WWC2: variants seen among roughly 807,000 people sequenced by gnomAD.
The protein encoded by WWC2 is protein WWC2.
A neutral mutation model predicts 138.5 loss-of-function variants in WWC2; 101 were observed. The observed-to-expected ratio is 0.73, with a 90% confidence interval of 0.62 to 0.86. The LOEUF (loss-of-function observed/expected upper bound fraction) is 0.86, where lower values mean the gene tolerates loss of function less well. Among genes scored for constraint, WWC2 ranks in the 40% least tolerant of loss-of-function variants. The probability of loss-of-function intolerance (pLI) is 0.00; values close to 1 mark genes in which losing one functional copy is unlikely to be tolerated. For synonymous variants in WWC2, 558 were observed against 538.4 expected, an observed-to-expected ratio of 1.04 and a Z score of -0.50; for missense variants, 1,420 against 1,419.4, an observed-to-expected ratio of 1.00 and a Z score of -0.01.
chr4:183,254,150 G>A lies in WWC2; in HGVS notation c.1196+151G>A, dbSNP rs112062673. 1.6e-3 allele frequency among the ~76,000 whole-genome samples: 238 copies of A among 152,254 alleles called. 1 individual carries two copies. The highest frequency in any genetic ancestry group is 5.3e-3 in the African/African-American group (222 of 41,534). ...TGGACTTTCTGTAGAACAATAAAGT[G>A]CACCATCCTAATGCCCGACAGGATA... On this transcript the variant is annotated intron_variant, in intron 9 of 22. Coordinates refer to ENST00000403733, the MANE Select transcript of WWC2 (RefSeq NM_024949.6).
At chr4:183,241,128 C>T (rs997137145) in intron 5 of WWC2, among the ~76,000 whole-genome samples, 5 of 152,258 alleles carry the variant, frequency 3.3e-5, no homozygotes, top group Non-Finnish European at 5.9e-5. Flanking sequence ...CCTCCAAGTG[C>T]GGTGCAGTAT....
chr4:183,200,787 A>G (rs1373798218), intron 2 of WWC2, among the ~76,000 whole-genome samples: 2 of 152,228 alleles, frequency 1.3e-5, no homozygotes, highest in African/African-American at 4.8e-5. Context: ...AAGAAGAATC[A>G]GGGAGAGAGA....
At position 183,136,956 on chromosome 4, in the gene WWC2, G is replaced by A. The variant is rs188495245; in HGVS notation, c.131+37334G>A. ...TAGGTTACAAATCAGTACAGCATGT[G>A]ATTGTACTGAATACTGTAGGCAGTT... On this transcript the variant is annotated intron_variant, in intron 1 of 22. Transcript: ENST00000403733. 2.7e-5 allele frequency among the ~76,000 whole-genome samples: 4 copies of A among 148,834 alleles called. No homozygotes were observed. In the East Asian group the frequency reaches 8.1e-4, roughly 30 times the overall value.
intron 1 of WWC2, 55 bp downstream of exon 1, chr4:183,099,677 G>A (rs1743099119): frequency 8.4e-7 from 1 of 1,191,552 alleles, no homozygotes; most frequent in Non-Finnish European, 1.0e-6. Context: ...CTGTTGTCCC[G>A]GAGACCCGGC....
chr4:183,170,971 A>C (rs1373166981), intron 1 of WWC2, among the ~76,000 whole-genome samples: 1 of 152,190 alleles, frequency 6.6e-6, no homozygotes, highest in East Asian at 1.9e-4. Context: ...AATTTCTTCA[A>C]ATCAATTTGG....
intron 11 of WWC2, among the ~76,000 whole-genome samples, chr4:183,263,037 A>T (rs1008042154): frequency 9.2e-5 from 14 of 152,080 alleles, no homozygotes; most frequent in African/African-American, 3.4e-4. Context: ...AATTATTAGT[A>T]CTCTGTGACA....
At chr4:183,132,720 T>A (rs566499512) in intron 1 of WWC2, among the ~76,000 whole-genome samples, 3 of 152,200 alleles carry the variant, frequency 2.0e-5, no homozygotes, top group South Asian at 2.1e-4. Context: ...CCCAAAGTGC[T>A]GGGATTACAG....
At chr4:183,233,409 C>T (rs890212986) in intron 4 of WWC2, among the ~76,000 whole-genome samples, 109 of 151,658 alleles carry the variant, frequency 7.2e-4, no homozygotes, top group African/African-American at 2.2e-3. Context: ...CACCCACCTC[C>T]GCCTCCCAAA....
chr4:183,210,938 A>G (rs956024257), intron 4 of WWC2, among the ~76,000 whole-genome samples: 3 of 152,206 alleles, frequency 2.0e-5, no homozygotes, highest in African/African-American at 4.8e-5. Context: ...ATCTCAGTGG[A>G]TACTGCCAGT....
intron 1 of WWC2, among the ~76,000 whole-genome samples, chr4:183,157,102 C>T (rs574404128): frequency 6.6e-6 from 1 of 152,226 alleles, no homozygotes; most frequent in South Asian, 2.1e-4. Context: ...CCTTCTTTCC[C>T]CTGGTCCACA....
At chr4:183,128,838 A>T (rs1432616572) in intron 1 of WWC2, among the ~76,000 whole-genome samples, 1 of 152,252 alleles carries the variant, frequency 6.6e-6, no homozygotes, top group East Asian at 1.9e-4. Flanking sequence ...GTCCCAGAAC[A>T]ATCTCATGCA....
At chr4:183,214,782 CAA>C (rs879308410) in intron 4 of WWC2, among the ~76,000 whole-genome samples, 1 of 134,540 alleles carries the variant, frequency 7.4e-6, no homozygotes, top group Non-Finnish European at 1.6e-5. Flanking sequence ...AACTCCGTCT[CAA>C]AAAAAAAAAA....
Position 183,284,283 on chromosome 4 carries a change from A to G in WWC2, c.2941A>G (p.Lys981Glu). The G allele has an allele frequency of 6.2e-7, 1 of 1,614,042 alleles. No homozygotes were observed. Among genetic ancestry groups the G allele is most frequent in the East Asian group, 2.2e-5 (1 of 44,890 alleles). The change falls in exon 19 of 23, where the codon AAA (lysine) becomes GAA (glutamate). Residue 981 changes from lysine (K) to glutamate (E), a missense_variant. Transcript: ENST00000403733. ...TAATGACAATATGGCAGTTCGCCCCAAAGAGCGCAGCAGCCTGAGCTCTAG... is the reference window on the plus strand; with the variant it reads ...TAATGACAATATGGCAGTTCGCCCCGAAGAGCGCAGCAGCCTGAGCTCTAG... ...AANDNMAVRP[K>E]ERSSLSSRQH...
chr4:183,215,349 G>A lies in WWC2; in HGVS notation c.522+6324G>A, dbSNP rs574812306. ...GCAGAAAATGAAACTGTGGATAAGG[G>A]AGGACTATTATAGTTAGTGTTGGGT... On this transcript the variant is annotated intron_variant, in intron 4 of 22. Transcript: ENST00000403733. Among the ~76,000 whole-genome samples, 6 of 152,276 alleles carry A rather than the reference G, an allele frequency of 3.9e-5. No individual in the cohort carries two copies. In the South Asian group the frequency reaches 1.0e-3, roughly 26 times the overall value.
At chr4:183,248,965 G>C (rs1560865821) in intron 7 of WWC2, 105 bp downstream of exon 7, 1 of 1,154,688 alleles carries the variant, frequency 8.7e-7, no homozygotes, top group African/African-American at 1.5e-5. Flanking sequence ...CTTGGATTCT[G>C]GCTGTGTGCA....
Position 183,145,105 on chromosome 4 carries a change from T to A in WWC2, c.131+45483T>A, listed in dbSNP as rs149124338. 1.4e-3 allele frequency among the ~76,000 whole-genome samples: 220 copies of A among 152,346 alleles called. 1 individual carries two copies. Among genetic ancestry groups the A allele is most frequent in the African/African-American group, 5.1e-3 (213 of 41,576 alleles). The stretch of plus-strand genomic sequence containing the variant: ...TAGCAACTGCAGTTGGGAAGTAGCA[T>A]GGCCTATGGTTGAGGCTATGGTTTT... On this transcript the variant is annotated intron_variant, in intron 1 of 22. Coordinates refer to ENST00000403733, the MANE Select transcript of WWC2 (RefSeq NM_024949.6).
At chr4:183,283,188 T>C (rs1425542248) in intron 18 of WWC2, among the ~76,000 whole-genome samples, 1 of 152,254 alleles carries the variant, frequency 6.6e-6, no homozygotes, top group African/African-American at 2.4e-5. Context: ...ATATTAAAAG[T>C]ATTTTCTGAA....
chr4:183,139,460 CT>C (rs892209245), intron 1 of WWC2, among the ~76,000 whole-genome samples: 1 of 152,152 alleles, frequency 6.6e-6, no homozygotes, highest in African/African-American at 2.4e-5. Context: ...TTGGCTCTTT[CT>C]TTTCCATCTC....
intron 1 of WWC2, among the ~76,000 whole-genome samples, chr4:183,128,251 A>C (rs1561427058): frequency 1.3e-5 from 2 of 152,130 alleles, no homozygotes; most frequent in Non-Finnish European, 1.5e-5. Context: ...AGGCAGAAGA[A>C]TTGCTTGAAC....
Sources: allele counts gnomAD v4.1 joint callset (sites outside exome capture counted in the v4.1 genomes callset), GRCh38; gene constraint gnomAD v4.1.1; transcripts MANE v1.5; gene names NCBI Gene and HGNC (gene_info 2026-07-23, HGNC 2026-07-21).